CTNNA2: variants seen among roughly 807,000 people sequenced by gnomAD.
CTNNA2 encodes the protein catenin alpha-2.
A neutral mutation model predicts 101.0 loss-of-function variants in CTNNA2; 42 were observed. The observed-to-expected ratio is 0.42, with a 90% CI of 0.32 to 0.54. CTNNA2 has a LOEUF of 0.54. Among genes scored for constraint, CTNNA2 ranks in the 20% least tolerant of loss-of-function variants. The pLI, the probability that CTNNA2 is intolerant of heterozygous loss-of-function variation, is 0.14. For missense variants in CTNNA2, 871 were observed against 1,223.1 expected (o/e 0.71, Z 4.29); for synonymous variants, 450 against 456.4 (o/e 0.99, Z 0.18).
chr2:80,284,598 C>A (rs1030090583), intron 7 of CTNNA2, among the ~76,000 whole-genome samples: 1 of 151,318 alleles, frequency 6.6e-6, no homozygotes, highest in Non-Finnish European at 1.5e-5. Flanking sequence ...TTCCATCCCT[C>A]CCATGATCTC....
chr2:80,406,021 C>T (rs548828224), intron 8 of CTNNA2, among the ~76,000 whole-genome samples: 7 of 152,192 alleles, frequency 4.6e-5, no homozygotes, highest in Non-Finnish European at 1.0e-4. Context: ...AGTAGCTACA[C>T]TATGAGTTGC....
chr2:79,539,455 G>A (rs1427819552), intron 1 of CTNNA2, among the ~76,000 whole-genome samples: 1 of 152,166 alleles, frequency 6.6e-6, no homozygotes, highest in South Asian at 2.1e-4. Context: ...CTTTTTGACT[G>A]TATGAGGCCC....
chr2:80,409,383 A>G (rs1679357769), intron 8 of CTNNA2, among the ~76,000 whole-genome samples: 1 of 152,192 alleles, frequency 6.6e-6, no homozygotes, highest in Non-Finnish European at 1.5e-5. Context: ...CCTCCAATAC[A>G]TTTGACGGGA....
chr2:80,352,483 A>G (rs1262412423), intron 7 of CTNNA2, among the ~76,000 whole-genome samples: 3 of 152,146 alleles, frequency 2.0e-5, no homozygotes, highest in African/African-American at 7.2e-5. Context: ...GCCAACTAGC[A>G]GCAGTCATTG....
At chr2:80,123,375 G>A (rs1701948783) in intron 7 of CTNNA2, among the ~76,000 whole-genome samples, 1 of 151,260 alleles carries the variant, frequency 6.6e-6, no homozygotes, top group African/African-American at 2.4e-5. Context: ...CAGAAGTGAT[G>A]AAAGGGCAAG....
At chr2:79,466,658 G>A (rs778206079) in intron 4 of CTNNA2, among the ~76,000 whole-genome samples, 1 of 152,148 alleles carries the variant, frequency 6.6e-6, no homozygotes, top group Non-Finnish European at 1.5e-5. Context: ...CCACACAGCC[G>A]AGTACCCCTC....
intron 1 of CTNNA2, among the ~76,000 whole-genome samples, chr2:79,606,860 GAA>G (rs1327321276): frequency 6.6e-6 from 1 of 152,120 alleles, no homozygotes; most frequent in Non-Finnish European, 1.5e-5. Flanking sequence ...AAAGAAGGCA[GAA>G]AAAGAGTTTT....
At chr2:80,384,336 A>T (rs986261626) in intron 7 of CTNNA2, among the ~76,000 whole-genome samples, 1 of 152,112 alleles carries the variant, frequency 6.6e-6, no homozygotes, top group African/African-American at 2.4e-5. Flanking sequence ...AATGTGTGTG[A>T]CACAAAATGT....
At chr2:80,499,617 G>T (rs1293874359) in intron 9 of CTNNA2, among the ~76,000 whole-genome samples, 1 of 152,036 alleles carries the variant, frequency 6.6e-6, no homozygotes, top group Admixed American at 6.6e-5. Context: ...GAGGTCAGGA[G>T]TTCGAGACCA....
Position 79,678,087 on chromosome 2 carries a change from A to G in CTNNA2, c.102+26429A>G, listed in dbSNP as rs1052775304. ...TTAAGGTCTGGAAAGGACACTGTCTACAGAAAGCAAATTATATACAGAAGG... is the reference window on the plus strand; with the variant it reads ...TTAAGGTCTGGAAAGGACACTGTCTGCAGAAAGCAAATTATATACAGAAGG... On this transcript the variant is annotated intron_variant, in intron 2 of 18. Transcript: ENST00000402739. Among the ~76,000 whole-genome samples the G allele has an allele frequency of 1.5e-4, 23 of 152,332 alleles. No individual in the cohort carries two copies. In the East Asian group the frequency reaches 3.9e-3, roughly 26 times the overall value.
intron 2 of CTNNA2, among the ~76,000 whole-genome samples, chr2:79,704,406 A>G (rs910638822): frequency 6.6e-6 from 1 of 151,448 alleles, no homozygotes; most frequent in African/African-American, 2.4e-5. Context: ...TTTTGTGCAT[A>G]TTTTCAACGT....
chr2:79,315,853 C>A (rs1676484364), intron 3 of CTNNA2, among the ~76,000 whole-genome samples: 1 of 152,080 alleles, frequency 6.6e-6, no homozygotes, highest in Non-Finnish European at 1.5e-5. Flanking sequence ...CAATTCACTT[C>A]ATCATTTTAA....
chr2:80,607,741 C>T (rs947078198), intron 16 of CTNNA2, among the ~76,000 whole-genome samples: 5 of 151,838 alleles, frequency 3.3e-5, no homozygotes, highest in African/African-American at 1.2e-4. Context: ...AATTGATTTT[C>T]TTCCCCCAAC....
At chr2:79,876,112 TAGG>T (rs1314730677) in intron 6 of CTNNA2, among the ~76,000 whole-genome samples, 1 of 152,180 alleles carries the variant, frequency 6.6e-6, no homozygotes, top group African/African-American at 2.4e-5. Flanking sequence ...TGATCTTGAG[TAGG>T]AGAACTATTG....
intron 3 of CTNNA2, among the ~76,000 whole-genome samples, chr2:79,371,311 C>T (rs1045901117): frequency 6.6e-6 from 1 of 151,960 alleles, no homozygotes; most frequent in Non-Finnish European, 1.5e-5. Flanking sequence ...AGGTGGGAAA[C>T]AGATGGAGAC....
At chr2:80,568,566 C>CGTGTGT (rs36104924) in intron 12 of CTNNA2, among the ~76,000 whole-genome samples, 1,877 of 149,412 alleles carry the variant, frequency 0.013, 32 homozygotes, top group African/African-American at 0.042. Flanking sequence ...TAATGGTGTG[C>CGTGTGT]GTGTGTGTGT....
chr2:79,708,470 C>T (rs1685527841), intron 2 of CTNNA2, among the ~76,000 whole-genome samples: 1 of 151,982 alleles, frequency 6.6e-6, no homozygotes, highest in Non-Finnish European at 1.5e-5. Context: ...GTTTTCACAC[C>T]CTGTTCAGCC....
chr2:80,263,305 G>A (rs1672757769), intron 7 of CTNNA2, among the ~76,000 whole-genome samples: 1 of 152,182 alleles, frequency 6.6e-6, no homozygotes, highest in African/African-American at 2.4e-5. Context: ...CTAGAGAGGT[G>A]AAGAGACAAA....
chr2:80,247,608 T>A (rs1671427005), intron 7 of CTNNA2, among the ~76,000 whole-genome samples: 2 of 152,176 alleles, frequency 1.3e-5, no homozygotes, highest in African/African-American at 4.8e-5. Context: ...CTCTCTCTTT[T>A]GTTTACTTTT....
Sources: gnomAD v4.1 joint callset for allele counts (sites outside exome capture counted in the v4.1 genomes callset) on GRCh38, gnomAD v4.1.1 for gene constraint, MANE v1.5 for transcripts, NCBI Gene and HGNC (gene_info 2026-07-23, HGNC 2026-07-21) for gene names.